The following DNER variants were observed in gnomAD, a reference collection of about 807,000 sequenced individuals.
The protein encoded by DNER is delta/notch like EGF repeat containing.
Under a neutral mutation model 78.2 loss-of-function variants are expected in DNER, and 33 were observed. That is an observed-to-expected ratio of 0.42 (90% CI 0.32 to 0.56). DNER has a LOEUF of 0.56. Among genes scored for constraint, DNER ranks in the 20% least tolerant of loss-of-function variants. The probability of loss-of-function intolerance (pLI) is 0.11; values close to 1 mark genes in which losing one functional copy is unlikely to be tolerated. For missense variants in DNER, 918 were observed against 975.3 expected (o/e 0.94, Z 0.78); for synonymous variants, 417 against 384.8 (o/e 1.08, Z -0.98).
intron 1 of DNER, among the ~76,000 whole-genome samples, chr2:229,706,419 C>T (rs1306599272): frequency 6.6e-6 from 1 of 151,226 alleles, no homozygotes; most frequent in Admixed American, 6.6e-5. Flanking sequence ...AAAAATTAGC[C>T]GAATGTGGTG....
intron 4 of DNER, among the ~76,000 whole-genome samples, chr2:229,558,581 TTCTAAG>T (rs1696897347): frequency 6.6e-6 from 1 of 152,186 alleles, no homozygotes; most frequent in Non-Finnish European, 1.5e-5. Context: ...ACTGTATATA[TTCTAAG>T]TCTGTGATTC....
At chr2:229,659,690 C>A (rs1437997402) in intron 1 of DNER, among the ~76,000 whole-genome samples, 1 of 152,074 alleles carries the variant, frequency 6.6e-6, no homozygotes, top group Non-Finnish European at 1.5e-5. Context: ...GTCACAGATT[C>A]CAGGTGAAAA....
intron 1 of DNER, among the ~76,000 whole-genome samples, chr2:229,605,699 G>A (rs980005): frequency 0.58 from 87,387 of 151,540 alleles, 25,363 homozygotes; most frequent in African/African-American, 0.62. Flanking sequence ...AACAGCCTGG[G>A]CAACATGGCG....
intron 10 of DNER, 111 bp downstream of exon 10, chr2:229,407,121 G>A: frequency 1.1e-6 from 1 of 894,772 alleles, no homozygotes; most frequent in Non-Finnish European, 1.8e-6. Context: ...ATTTTGTAAT[G>A]GTGTTTATAT....
intron 11 of DNER, among the ~76,000 whole-genome samples, chr2:229,370,935 A>G (rs1246299634): frequency 6.6e-6 from 1 of 152,226 alleles, no homozygotes; most frequent in Non-Finnish European, 1.5e-5. Flanking sequence ...AGTGAAAAAA[A>G]CAACCATACT....
At chr2:229,540,412 G>A (rs1027181004) in intron 5 of DNER, among the ~76,000 whole-genome samples, 1 of 152,108 alleles carries the variant, frequency 6.6e-6, no homozygotes, top group Non-Finnish European at 1.5e-5. Flanking sequence ...CCTGGAAATA[G>A]ACAAGCCCAA....
chr2:229,406,581 T>C (rs10933295), intron 10 of DNER, among the ~76,000 whole-genome samples: 29,092 of 152,180 alleles, frequency 0.19, 3,526 homozygotes, highest in East Asian at 0.62. Flanking sequence ...AAGAATCTGA[T>C]AAACATTTGA....
At chr2:229,609,510 A>G (rs141816294) in intron 1 of DNER, among the ~76,000 whole-genome samples, 2 of 152,226 alleles carry the variant, frequency 1.3e-5, no homozygotes, top group African/African-American at 2.4e-5. Context: ...TTCGTTTTAC[A>G]TATTATCTGG....
At chr2:229,524,233 G>A (rs1263860764) in intron 5 of DNER, among the ~76,000 whole-genome samples, 1 of 152,212 alleles carries the variant, frequency 6.6e-6, no homozygotes, top group Non-Finnish European at 1.5e-5. Flanking sequence ...GACCTTGCTT[G>A]CTGAGATCTT....
chr2:229,501,044 G>A (rs1316342461), intron 6 of DNER, among the ~76,000 whole-genome samples: 5 of 152,146 alleles, frequency 3.3e-5, no homozygotes, highest in Admixed American at 6.5e-5. Context: ...CACAGAAGGA[G>A]AAATGCTGTG....
chr2:229,581,122 C>T (rs1014362571), intron 4 of DNER, among the ~76,000 whole-genome samples: 1 of 152,158 alleles, frequency 6.6e-6, no homozygotes, highest in Non-Finnish European at 1.5e-5. Context: ...CACAAAGGGG[C>T]TTTCACCAAA....
At chr2:229,363,384 T>C (rs1395916004) in intron 12 of DNER, among the ~76,000 whole-genome samples, 1 of 152,146 alleles carries the variant, frequency 6.6e-6, no homozygotes, top group Non-Finnish European at 1.5e-5. Context: ...CTGAAAACTA[T>C]GGAGAGGATA....
At chr2:229,596,890 G>A (rs1204419492) in intron 1 of DNER, among the ~76,000 whole-genome samples, 2 of 147,308 alleles carry the variant, frequency 1.4e-5, no homozygotes, top group African/African-American at 4.9e-5. Flanking sequence ...ATTCAAAGTA[G>A]TGGATAATGT....
intron 10 of DNER, 107 bp from the exon 11 acceptor site, chr2:229,388,503 A>G: frequency 7.7e-7 from 1 of 1,305,674 alleles, no homozygotes; most frequent in Non-Finnish European, 9.9e-7. Flanking sequence ...ACCTTTAGCA[A>G]TAGAGCCCAA....
intron 1 of DNER, among the ~76,000 whole-genome samples, chr2:229,703,132 C>T (rs1236317352): frequency 1.3e-5 from 2 of 151,974 alleles, no homozygotes; most frequent in African/African-American, 4.8e-5. Context: ...ATTTACAGGA[C>T]TCAACCTGAT....
At chr2:229,595,816 A>G (rs1697702935) in intron 1 of DNER, among the ~76,000 whole-genome samples, 1 of 152,110 alleles carries the variant, frequency 6.6e-6, no homozygotes, top group Non-Finnish European at 1.5e-5. Flanking sequence ...CTTTGCTCCA[A>G]TGCCATCTTC....
intron 9 of DNER, among the ~76,000 whole-genome samples, chr2:229,411,246 T>C (rs777114673): frequency 2.0e-5 from 3 of 152,154 alleles, no homozygotes; most frequent in Non-Finnish European, 2.9e-5. Context: ...AAAATTTCTG[T>C]AGCCTTTAAA....
intron 4 of DNER, among the ~76,000 whole-genome samples, chr2:229,566,414 A>C (rs1230793539): frequency 6.6e-6 from 1 of 152,190 alleles, no homozygotes; most frequent in African/African-American, 2.4e-5. Context: ...TTTTCAGTGC[A>C]TGTATTTATT....
intron 5 of DNER, among the ~76,000 whole-genome samples, chr2:229,528,852 A>G (rs1331244768): frequency 6.6e-6 from 1 of 152,184 alleles, no homozygotes; most frequent in Non-Finnish European, 1.5e-5. Flanking sequence ...GTGTCGCTTA[A>G]TTCCCTAGAG....
Sources: allele counts gnomAD v4.1 joint callset (sites outside exome capture counted in the v4.1 genomes callset), GRCh38; gene constraint gnomAD v4.1.1; transcripts MANE v1.5; gene names NCBI Gene and HGNC (gene_info 2026-07-23, HGNC 2026-07-21).